The following FCRL3 variants were observed in gnomAD, a reference collection of about 807,000 sequenced individuals.
The protein encoded by FCRL3 is Fc receptor-like protein 3.
FCRL3 carries 89 observed loss-of-function variants against 75.0 expected under a neutral mutation model. That is an observed-to-expected ratio of 1.19 (90% CI 1.00 to 1.42). The LOEUF is 1.42. FCRL3 is among the 40% of genes most tolerant of loss of function. The pLI is 0.00. For missense variants in FCRL3, 946 were observed against 880.0 expected (o/e 1.07, Z -0.95); for synonymous variants, 376 against 348.5 (o/e 1.08, Z -0.88).
chr1:157,697,232 C>T lies in FCRL3; in HGVS notation c.752G>A (p.Trp251Ter), dbSNP rs755272086. 85 of 1,603,700 alleles carry T rather than the reference C, an allele frequency of 5.3e-5. No individual in the cohort carries two copies. Among genetic ancestry groups the T allele is most frequent in the Non-Finnish European group, 6.8e-5 (80 of 1,174,550 alleles). ...CCAGTAAGACCCTGAGTCTTCAGTC[C>T]ACATGGCAGGGATCTGGAGTCTGGG... The part of the protein sequence containing the change: ...RSPRLQIPAM[W>*]TEDSGSYWCE... The change falls in exon 6 of 15, where the codon TGG (tryptophan) becomes TAG (stop). Residue 251 changes from tryptophan (W) to a stop codon, truncating the protein, a stop_gained. Transcript: ENST00000368184. LOFTEE classifies it high-confidence loss of function.
Position 157,696,153 on chromosome 1 carries a change from A to C in FCRL3, c.1019T>G (p.Leu340Trp). ...SLGRKTQRSLLAELHVLTVKE... is the reference protein window; with the variant it reads ...SLGRKTQRSLWAELHVLTVKE... ...CACGGTGAGAACATGCAGCTCTGCCAACAGGGAACGCTGGGTCTTTCTACC... is the reference window on the plus strand; with the variant it reads ...CACGGTGAGAACATGCAGCTCTGCCCACAGGGAACGCTGGGTCTTTCTACC... Residue 340 changes from leucine to tryptophan, a missense_variant, in exon 7 of 15, where the codon TTG (leucine) becomes TGG (tryptophan). Coordinates refer to ENST00000368184, the MANE Select transcript of FCRL3 (RefSeq NM_052939.4). 1 of 1,613,942 alleles carries C rather than the reference A, an allele frequency of 6.2e-7. No homozygotes were observed.
intron 10 of FCRL3, among the ~76,000 whole-genome samples, chr1:157,684,324 G>A (rs1004581682): frequency 2.6e-5 from 4 of 152,050 alleles, no homozygotes; most frequent in East Asian, 3.9e-4. Flanking sequence ...AATGCAAGTC[G>A]TTGCTCAAAA....
In FCRL3 at chr1:157,678,730, A is replaced by G. The variant is rs780249336; in HGVS notation, c.2185T>C (p.Leu729=). Residue 729 remains leucine (L), a synonymous_variant, in exon 15 of 15, where the codon TTA becomes CTA. Transcript: ENST00000368184. ...AGGGGCTAGTGGTCTGAGGCCAGTA[A>G]TACACGTGGTACATTCTCATAGTTT... ...EENYENVPRV[L]LASDH is the part of the protein sequence containing the mutation. 2.2e-5 allele frequency: 36 copies of G among 1,613,652 alleles called. No homozygotes were observed. Among genetic ancestry groups the G allele is most frequent in the South Asian group, 5.5e-5 (5 of 91,076 alleles).
Position 157,676,962 on chromosome 1 carries a change from A to T in FCRL3, c.*1748T>A. 1 of 1,391,236 alleles carries T rather than the reference A, an allele frequency of 7.2e-7. No individual in the cohort carries two copies. Among genetic ancestry groups the T allele is most frequent in the South Asian group, 1.5e-5 (1 of 64,552 alleles). 86.2% of individuals were successfully genotyped at this position (1,391,236 alleles called of 1,614,324 possible). ...TTCACCATAGAGAAAAAAACAGCAG[A>T]ATGTATCACATAGAAGACAGAGACA... is the stretch of plus-strand genomic sequence containing the variant. On this transcript the variant is annotated 3_prime_UTR_variant, in exon 15 of 15. Coordinates refer to ENST00000368184, the MANE Select transcript of FCRL3 (RefSeq NM_052939.4).
Position 157,677,697 on chromosome 1 carries a change from A to T in FCRL3, c.*1013T>A, listed in dbSNP as rs1351560056. ...TAGCAACACGCAACAATATGGATGA[A>T]TCTTAGAAATACAACATGAAGAGAA... On this transcript the variant is annotated 3_prime_UTR_variant, in exon 15 of 15. Coordinates refer to ENST00000368184, the MANE Select transcript of FCRL3 (RefSeq NM_052939.4). 2 of 746,908 alleles carry T rather than the reference A, an allele frequency of 2.7e-6. No homozygotes were observed. Among genetic ancestry groups the T allele is most frequent in the Non-Finnish European group, 3.3e-6 (2 of 612,966 alleles). 46.3% of individuals were successfully genotyped at this position (746,908 alleles called of 1,614,324 possible). A position where few individuals can be genotyped will look rare whatever the true frequency, so the allele number is the denominator to read the frequency against.
chr1:157,688,249 G>GA (rs564909095), intron 10 of FCRL3, among the ~76,000 whole-genome samples: 1 of 151,876 alleles, frequency 6.6e-6, no homozygotes, highest in South Asian at 2.1e-4. Context: ...CAAAAGGATG[G>GA]AAAAAAATCA....
At chr1:157,693,898 C>A (rs1199940629) in intron 8 of FCRL3, among the ~76,000 whole-genome samples, 1 of 152,066 alleles carries the variant, frequency 6.6e-6, no homozygotes, top group East Asian at 1.9e-4. Context: ...CAGGCGCATG[C>A]CACCATGCCC....
intron 13 of FCRL3, among the ~76,000 whole-genome samples, chr1:157,680,257 T>C (rs113765660): frequency 6.6e-6 from 1 of 152,300 alleles, no homozygotes; most frequent in African/African-American, 2.4e-5. Flanking sequence ...ATGGGTGTCA[T>C]TGAGGGCAGT....
intron 8 of FCRL3, among the ~76,000 whole-genome samples, chr1:157,694,385 A>G (rs1655757141): frequency 6.6e-6 from 1 of 152,198 alleles, no homozygotes. Flanking sequence ...TCCTTAAATC[A>G]TTACCCAAGT....
At chr1:157,699,384 T>A (rs1656165180) in intron 3 of FCRL3, among the ~76,000 whole-genome samples, 1 of 152,076 alleles carries the variant, frequency 6.6e-6, no homozygotes, top group Non-Finnish European at 1.5e-5. Flanking sequence ...CAGAGGGAGA[T>A]GTACTAGAGA....
chr1:157,696,366 C>T (rs1366166093), intron 6 of FCRL3, 39 bp from the exon 7 acceptor site: 2 of 1,605,548 alleles, frequency 1.2e-6, no homozygotes, highest in Non-Finnish European at 1.7e-6. Flanking sequence ...GTCCTGATGG[C>T]AGGGACATCA....
At position 157,678,310 on chromosome 1, in the gene FCRL3, GA is replaced by G; in HGVS notation, c.*399del. On this transcript the variant is annotated 3_prime_UTR_variant, in exon 15 of 15. Transcript: ENST00000368184. ...GCCACTACCAGCCACACAAAAAAGG[GA>G]AACAAAATATTTGGAGCAAATTGTT... The G allele has an allele frequency of 2.0e-6, 2 of 1,012,156 alleles. No individual in the cohort carries two copies. Among genetic ancestry groups the G allele is most frequent in the Non-Finnish European group, 2.4e-6 (2 of 846,270 alleles). The allele number at this position is 1,012,156 out of a possible 1,614,324, so 62.7% of individuals were successfully genotyped here.
intron 10 of FCRL3, among the ~76,000 whole-genome samples, chr1:157,684,228 C>T (rs1381228108): frequency 6.6e-6 from 1 of 152,152 alleles, no homozygotes; most frequent in Non-Finnish European, 1.5e-5. Flanking sequence ...TTCAGGCTTG[C>T]CCCAATACAA....
chr1:157,697,470 G>T, intron 5 of FCRL3, 46 bp from the exon 6 acceptor site: 1 of 1,520,258 alleles, frequency 6.6e-7, no homozygotes, highest in Non-Finnish European at 8.8e-7. Flanking sequence ...GAGGCTCAGA[G>T]TTCCTAGAGA....
chr1:157,689,991 G>T, intron 9 of FCRL3, 74 bp from the exon 10 acceptor site: 1 of 1,591,410 alleles, frequency 6.3e-7, no homozygotes, highest in South Asian at 1.1e-5. Flanking sequence ...CAAGTAGGGT[G>T]AGTGTGTTCC....
Position 157,696,276 on chromosome 1 carries a change from A to C in FCRL3, c.896T>G (p.Leu299Arg). ...NLEIRPTGGQ[L>R]IEGENMVLIC... Reference sequence around the variant, plus strand: ...AAGGACCATATTTTCTCCTTCAATCAGCTGCCCTCCGGTGGGCCGGATCTC... The same window carrying C: ...AAGGACCATATTTTCTCCTTCAATCCGCTGCCCTCCGGTGGGCCGGATCTC... Residue 299 changes from leucine to arginine, a missense_variant, in exon 7 of 15, where the codon CTG becomes CGG. Coordinates refer to ENST00000368184, the MANE Select transcript of FCRL3 (RefSeq NM_052939.4). 6.2e-7 allele frequency: 1 copy of C among 1,614,050 alleles called. No individual in the cohort carries two copies. Among genetic ancestry groups the C allele is most frequent in the East Asian group, 2.2e-5 (1 of 44,864 alleles).
chr1:157,695,514 C>T lies in FCRL3; in HGVS notation c.1226G>A (p.Gly409Asp), dbSNP rs146409997. The change falls in exon 8 of 15, where the codon GGC becomes GAC. Residue 409 changes from glycine (G) to aspartate (D), a missense_variant. Coordinates refer to ENST00000368184, the MANE Select transcript of FCRL3 (RefSeq NM_052939.4). Reference sequence around the variant, plus strand: ...AAATCGGTACAGGATCGGGGGAGAGCCTCTCAGGGACTCACAGTGAAGCTC... The same window carrying T: ...AAATCGGTACAGGATCGGGGGAGAGTCTCTCAGGGACTCACAGTGAAGCTC... ...LLELHCESLR[G>D]SPPILYRFYH... 4 of 1,614,026 alleles carry T rather than the reference C, an allele frequency of 2.5e-6. No individual in the cohort carries two copies. The highest frequency in any genetic ancestry group is 3.3e-5 in the Admixed American group (2 of 60,000).
chr1:157,690,569 T>C, intron 8 of FCRL3, 36 bp from the exon 9 acceptor site: 1 of 1,608,340 alleles, frequency 6.2e-7, no homozygotes. Context: ...GCAGTTTTAC[T>C]TAAGTAGGTA....
intron 8 of FCRL3, among the ~76,000 whole-genome samples, chr1:157,693,505 C>G (rs1217418405): frequency 6.6e-6 from 1 of 152,060 alleles, no homozygotes; most frequent in Non-Finnish European, 1.5e-5. Context: ...AAGCTTTAAG[C>G]AGTAACAGAC....
Sources: gnomAD v4.1 joint callset for allele counts (sites outside exome capture counted in the v4.1 genomes callset) on GRCh38, gnomAD v4.1.1 for gene constraint, MANE v1.5 for transcripts, NCBI Gene and HGNC (gene_info 2026-07-23, HGNC 2026-07-21) for gene names.